Variants in DTNA observed in about 807,000 individuals in gnomAD.
The protein encoded by DTNA is dystrobrevin alpha.
In DTNA, 43 loss-of-function variants were observed where a neutral mutation model predicts 100.7. The observed-to-expected ratio is 0.43, with a 90% confidence interval of 0.33 to 0.55. DTNA has a LOEUF of 0.55. Among genes scored for constraint, DTNA ranks in the 20% least tolerant of loss-of-function variants. The pLI is 0.04. For synonymous variants in DTNA, 349 were observed against 347.9 expected (o/e 1.00, Z -0.04); for missense variants, 798 against 953.9 (o/e 0.84, Z 2.15).
intron 1 of DTNA, among the ~76,000 whole-genome samples, chr18:34,587,506 T>C (rs1209604518): frequency 6.6e-6 from 1 of 152,104 alleles, no homozygotes; most frequent in Non-Finnish European, 1.5e-5. Flanking sequence ...CTATGTTATC[T>C]AATACAAATT....
chr18:34,574,658 A>C (rs1199454539), intron 1 of DTNA: 2 of 152,328 alleles, frequency 1.3e-5, no homozygotes, highest in South Asian at 4.1e-4. Flanking sequence ...TTATTTTAAC[A>C]GTCTCTGTCT....
intron 1 of DTNA, among the ~76,000 whole-genome samples, chr18:34,502,473 C>G (rs1283266541): frequency 6.6e-6 from 1 of 152,044 alleles, no homozygotes; most frequent in African/African-American, 2.4e-5. Context: ...GATTTTTCCT[C>G]TTTTCTAATG....
chr18:34,784,350 C>G (rs1182034071), intron 3 of DTNA, among the ~76,000 whole-genome samples: 1 of 152,196 alleles, frequency 6.6e-6, no homozygotes, highest in African/African-American at 2.4e-5. Context: ...CTGCTTTCCT[C>G]TAAGCTCCAA....
At position 34,711,277 on chromosome 18, in the gene DTNA, G is replaced by A. The variant is rs75734398; in HGVS notation, c.-2+832G>A. Among the ~76,000 whole-genome samples, 1,128 of 152,258 alleles carry A rather than the reference G, an allele frequency of 7.4e-3. 14 individuals are homozygous for A. The highest frequency in any genetic ancestry group is 0.025 in the African/African-American group (1,053 of 41,566). On this transcript the variant is annotated intron_variant, in intron 1 of 22. Coordinates refer to ENST00000444659, the MANE Select transcript of DTNA (RefSeq NM_001386795.1). ...GGAGGCTTTGGTACACACAGAGCAA[G>A]TTAAAGGAGAACAATTTCTTTAATA...
At chr18:34,655,807 G>A (rs1450375867) in intron 1 of DTNA, among the ~76,000 whole-genome samples, 1 of 152,126 alleles carries the variant, frequency 6.6e-6, no homozygotes, top group African/African-American at 2.4e-5. Context: ...AGTGTGAATG[G>A]GCCAGTCCTG....
At chr18:34,509,105 T>A (rs1164376272) in intron 1 of DTNA, among the ~76,000 whole-genome samples, 2 of 152,124 alleles carry the variant, frequency 1.3e-5, no homozygotes, top group East Asian at 3.9e-4. Context: ...GCCTCTGCAG[T>A]GTTTTGGGGA....
At chr18:34,677,753 T>C (rs1232653305) in intron 1 of DTNA, among the ~76,000 whole-genome samples, 2 of 152,134 alleles carry the variant, frequency 1.3e-5, no homozygotes, top group African/African-American at 2.4e-5. Flanking sequence ...TAATAATACA[T>C]TTAATTCAAA....
intron 1 of DTNA, among the ~76,000 whole-genome samples, chr18:34,613,066 T>C (rs1415991561): frequency 6.6e-6 from 1 of 152,242 alleles, no homozygotes; most frequent in Non-Finnish European, 1.5e-5. Flanking sequence ...GCTCACTTCA[T>C]GTCTCTGTGT....
intron 1 of DTNA, among the ~76,000 whole-genome samples, chr18:34,658,593 G>A (rs192094750): frequency 1.3e-5 from 2 of 152,272 alleles, no homozygotes; most frequent in African/African-American, 4.8e-5. Context: ...ATCTCAAACA[G>A]TCTACCTCCC....
chr18:34,681,201 G>A (rs960539195), intron 1 of DTNA, among the ~76,000 whole-genome samples: 2 of 151,788 alleles, frequency 1.3e-5, no homozygotes, highest in East Asian at 1.9e-4. Flanking sequence ...TGATTGAATC[G>A]TAACTAATCT....
chr18:34,579,477 T>G (rs1429029112), intron 1 of DTNA, among the ~76,000 whole-genome samples: 1 of 152,208 alleles, frequency 6.6e-6, no homozygotes, highest in East Asian at 1.9e-4. Context: ...ATAGTATGTA[T>G]TTGCTAAAAA....
intron 20 of DTNA, among the ~76,000 whole-genome samples, chr18:34,880,846 T>G (rs1403069800): frequency 6.6e-6 from 1 of 152,246 alleles, no homozygotes; most frequent in Non-Finnish European, 1.5e-5. Flanking sequence ...TCTTCTGTAT[T>G]CTAGAATTGT....
intron 9 of DTNA, chr18:34,825,405 A>G (rs912866052): frequency 2.6e-6 from 3 of 1,145,992 alleles, no homozygotes; most frequent in African/African-American, 3.0e-5. Flanking sequence ...CTGTACACTC[A>G]GTTCACAAGG....
chr18:34,726,774 T>C (rs2086794174), intron 1 of DTNA, among the ~76,000 whole-genome samples: 1 of 152,214 alleles, frequency 6.6e-6, no homozygotes, highest in African/African-American at 2.4e-5. Context: ...AGGCTCAGGA[T>C]GCAAGCTGCC....
chr18:34,746,320 T>C (rs973214465), intron 1 of DTNA, among the ~76,000 whole-genome samples: 1 of 152,092 alleles, frequency 6.6e-6, no homozygotes, highest in East Asian at 1.9e-4. Flanking sequence ...CTACACTGAA[T>C]TGAGACAGTC....
intron 1 of DTNA, among the ~76,000 whole-genome samples, chr18:34,655,706 C>T (rs1296415393): frequency 6.6e-6 from 1 of 152,098 alleles, no homozygotes; most frequent in Non-Finnish European, 1.5e-5. Context: ...ATTAATAAGA[C>T]AGTAATATTC....
In DTNA at chr18:34,783,596, A is replaced by G. The variant is rs570314421; in HGVS notation, c.149-10441A>G. On this transcript the variant is annotated intron_variant, in intron 3 of 22. Transcript: ENST00000444659. ...CATAAAAACGCCTAGTGAGCTACTC[A>G]GCTGTTGTTTGGGTTCACATTTTAT... Among the ~76,000 whole-genome samples the G allele has an allele frequency of 1.3e-4, 20 of 152,340 alleles. No individual in the cohort carries two copies. In the South Asian group the frequency reaches 4.1e-3, roughly 32 times the overall value.
chr18:34,790,302 C>G (rs2094662698), intron 3 of DTNA, among the ~76,000 whole-genome samples: 1 of 151,934 alleles, frequency 6.6e-6, no homozygotes, highest in Non-Finnish European at 1.5e-5. Flanking sequence ...CCACTACATG[C>G]TGTGATGGGG....
At chr18:34,876,296 AAAAG>A (rs1405804831) in intron 18 of DTNA, among the ~76,000 whole-genome samples, 3 of 152,230 alleles carry the variant, frequency 2.0e-5, no homozygotes, top group Admixed American at 2.0e-4. Context: ...AGATCTAAGG[AAAAG>A]AGAGACATGT....
Sources: gnomAD v4.1 joint callset for allele counts (sites outside exome capture counted in the v4.1 genomes callset) on GRCh38, gnomAD v4.1.1 for gene constraint, MANE v1.5 for transcripts, NCBI Gene and HGNC (gene_info 2026-07-23, HGNC 2026-07-21) for gene names.